TCF4: variants seen among roughly 807,000 people sequenced by gnomAD.
TCF4 encodes SL3-3 enhancer factor 2.
Under a neutral mutation model 82.1 loss-of-function variants are expected in TCF4, and 3 were observed. The observed-to-expected ratio is 0.04, with a 90% confidence interval of 0.02 to 0.09. TCF4 has a LOEUF of 0.09. Ranked by LOEUF, TCF4 falls within the 10% of genes least tolerant of loss-of-function variation. TCF4 has a pLI of 1.00. For synonymous variants in TCF4, 276 were observed against 309.6 expected (o/e 0.89, Z 1.14); for missense variants, 518 against 852.7 (o/e 0.61, Z 4.89).
At chr18:55,375,578 T>C (rs1309630759) in intron 6 of TCF4, among the ~76,000 whole-genome samples, 1 of 152,142 alleles carries the variant, frequency 6.6e-6, no homozygotes, top group Non-Finnish European at 1.5e-5. Context: ...AAAGACACTT[T>C]AAGAGACAAC....
At chr18:55,620,750 G>A (rs972361963) in intron 2 of TCF4, among the ~76,000 whole-genome samples, 100 of 150,520 alleles carry the variant, frequency 6.6e-4, no homozygotes, top group Admixed American at 1.6e-3. Flanking sequence ...ATTCTTTGTC[G>A]TCCATTGCCC....
intron 8 of TCF4, among the ~76,000 whole-genome samples, chr18:55,319,195 A>C (rs2074899240): frequency 6.6e-6 from 1 of 152,212 alleles, no homozygotes; most frequent in Non-Finnish European, 1.5e-5. Flanking sequence ...CCAAACGATA[A>C]GTAAAACTCA....
At chr18:55,415,694 G>C (rs1321457856) in intron 5 of TCF4, among the ~76,000 whole-genome samples, 1 of 152,144 alleles carries the variant, frequency 6.6e-6, no homozygotes, top group Non-Finnish European at 1.5e-5. Context: ...ATGGAAAGTT[G>C]TTCATTAAAA....
chr18:55,562,899 T>C (rs2097367480), intron 3 of TCF4, among the ~76,000 whole-genome samples: 1 of 152,038 alleles, frequency 6.6e-6, no homozygotes, highest in African/African-American at 2.4e-5. Flanking sequence ...ACATAAATTA[T>C]ACATACATAC....
intron 5 of TCF4, among the ~76,000 whole-genome samples, chr18:55,455,977 C>T (rs1341389198): frequency 6.6e-6 from 1 of 152,208 alleles, no homozygotes; most frequent in Non-Finnish European, 1.5e-5. Flanking sequence ...CTCACATTTG[C>T]TGTTTTACAA....
intron 8 of TCF4, among the ~76,000 whole-genome samples, chr18:55,306,426 G>A (rs922984076): frequency 1.3e-5 from 2 of 152,170 alleles, no homozygotes; most frequent in Non-Finnish European, 2.9e-5. Context: ...CCCATGCCAG[G>A]GAGTTTGATC....
chr18:55,434,017 C>G (rs1220370438), intron 5 of TCF4, among the ~76,000 whole-genome samples: 1 of 152,096 alleles, frequency 6.6e-6, no homozygotes, highest in East Asian at 1.9e-4. Context: ...AACAAATCAG[C>G]CTAAGATTGC....
chr18:55,509,948 T>G (rs1272694963), intron 3 of TCF4, among the ~76,000 whole-genome samples: 4 of 152,302 alleles, frequency 2.6e-5, no homozygotes, highest in Non-Finnish European at 5.9e-5. Flanking sequence ...TCTTCATCCA[T>G]GAAAATGCCT....
At chr18:55,293,463 A>G (rs886442260) in intron 8 of TCF4, among the ~76,000 whole-genome samples, 1 of 152,038 alleles carries the variant, frequency 6.6e-6, no homozygotes, top group Non-Finnish European at 1.5e-5. Flanking sequence ...TTTTTCCCTC[A>G]TTGCCAAAAT....
chr18:55,312,272 G>A (rs144579441), intron 8 of TCF4, among the ~76,000 whole-genome samples: 50 of 152,282 alleles, frequency 3.3e-4, no homozygotes, highest in African/African-American at 1.1e-3. Context: ...CATTTAAACA[G>A]ACCAACTGAA....
intron 3 of TCF4, among the ~76,000 whole-genome samples, chr18:55,577,466 C>T (rs984570620): frequency 6.6e-6 from 1 of 151,862 alleles, no homozygotes; most frequent in Non-Finnish European, 1.5e-5. Context: ...TAATCATTAT[C>T]AATTTTTACT....
At chr18:55,388,179 G>A (rs1021296933) in intron 6 of TCF4, among the ~76,000 whole-genome samples, 6 of 152,198 alleles carry the variant, frequency 3.9e-5, no homozygotes, top group African/African-American at 1.4e-4. Flanking sequence ...TAAACATGAA[G>A]AGGAAAAGCT....
At chr18:55,595,058 C>G (rs566122528) in intron 2 of TCF4, among the ~76,000 whole-genome samples, 27 of 152,202 alleles carry the variant, frequency 1.8e-4, no homozygotes, top group Admixed American at 1.2e-3. Context: ...GCAAGTCCTC[C>G]AAAAAATGAC....
At chr18:55,589,850 T>C (rs773506168), upstream of TCF4, 7 of 1,001,134 alleles carry the variant, frequency 7.0e-6, no homozygotes, top group Non-Finnish European at 8.3e-6. Flanking sequence ...AGACAATGAC[T>C]GGGAAGGGGC....
At chr18:55,479,734 C>A (rs1033791150) in intron 3 of TCF4, among the ~76,000 whole-genome samples, 1 of 152,170 alleles carries the variant, frequency 6.6e-6, no homozygotes, top group Non-Finnish European at 1.5e-5. Context: ...CCACGTTGCT[C>A]TGTGACACCG....
chr18:55,464,671 A>C (rs2095967922), intron 3 of TCF4, among the ~76,000 whole-genome samples: 1 of 152,194 alleles, frequency 6.6e-6, no homozygotes, highest in Non-Finnish European at 1.5e-5. Flanking sequence ...CAGGGATATT[A>C]GGACTGAAAC....
At chr18:55,540,313 C>T in intron 3 of TCF4, among the ~76,000 whole-genome samples, 1 of 151,488 alleles carries the variant, frequency 6.6e-6, no homozygotes, top group East Asian at 1.9e-4. Context: ...TATCTCAAAA[C>T]AAAAAAAACA....
In TCF4 at chr18:55,473,228, C is replaced by T. The variant is rs183304504; in HGVS notation, c.146-9091G>A. Among the ~76,000 whole-genome samples the T allele has an allele frequency of 1.2e-4, 19 of 152,144 alleles. No homozygotes were observed. The East Asian group carries it at 3.5e-3, about 28-fold the overall frequency. The stretch of plus-strand genomic sequence containing the variant: ...TGATACCTCTTTTCTCCCGAGGGTG[C>T]CATTTGTGAGGTTCTGAGAAGGGGA... On this transcript the variant is annotated intron_variant, in intron 3 of 19. Transcript: ENST00000354452.
At chr18:55,579,604 G>T (rs578067331) in intron 3 of TCF4, among the ~76,000 whole-genome samples, 1 of 152,060 alleles carries the variant, frequency 6.6e-6, no homozygotes, top group Admixed American at 6.6e-5. Flanking sequence ...CTTGTAAACT[G>T]AAGAACATTT....
Sources: gnomAD v4.1 joint callset for allele counts (sites outside exome capture counted in the v4.1 genomes callset) on GRCh38, gnomAD v4.1.1 for gene constraint, MANE v1.5 for transcripts, NCBI Gene and HGNC (gene_info 2026-07-23, HGNC 2026-07-21) for gene names.